GRID1: variants seen among roughly 807,000 people sequenced by gnomAD.
GRID1 encodes the protein glutamate ionotropic receptor delta type subunit 1, also known as glutamate receptor ionotropic, delta-1.
Under a neutral mutation model 98.0 loss-of-function variants are expected in GRID1, and 28 were observed. That is an observed-to-expected ratio of 0.29 (90% CI 0.21 to 0.39). The LOEUF (loss-of-function observed/expected upper bound fraction) is 0.39, where lower values mean the gene tolerates loss of function less well. GRID1 is among the 10% of genes least tolerant of loss of function. GRID1 has a pLI of 1.00. For missense variants in GRID1, 1,111 were observed against 1,340.5 expected (o/e 0.83, Z 2.67); for synonymous variants, 553 against 538.5 (o/e 1.03, Z -0.37).
chr10:86,306,660 G>GAA (rs1847762319), intron 2 of GRID1, among the ~76,000 whole-genome samples: 1 of 152,102 alleles, frequency 6.6e-6, no homozygotes, highest in Non-Finnish European at 1.5e-5. Context: ...AAGGAGGAAG[G>GAA]GAAAAAGAGA....
intron 2 of GRID1, among the ~76,000 whole-genome samples, chr10:86,297,155 A>C (rs1847605663): frequency 1.3e-5 from 2 of 152,336 alleles, no homozygotes; most frequent in Admixed American, 1.3e-4. Context: ...AGTTATTCTA[A>C]AATCATTTTG....
chr10:85,779,723 CTA>C (rs1048258800), intron 8 of GRID1, among the ~76,000 whole-genome samples: 23 of 152,280 alleles, frequency 1.5e-4, no homozygotes, highest in African/African-American at 5.5e-4. Flanking sequence ...CAGGCATGTT[CTA>C]TGAGTTTGCC....
intron 4 of GRID1, among the ~76,000 whole-genome samples, chr10:86,042,649 G>A (rs1322842736): frequency 2.6e-5 from 4 of 152,164 alleles, no homozygotes; most frequent in South Asian, 2.1e-4. Flanking sequence ...ACAGGAACTA[G>A]GGGACTTGCC....
chr10:85,680,475 C>T (rs1841196060), intron 12 of GRID1, among the ~76,000 whole-genome samples: 1 of 152,184 alleles, frequency 6.6e-6, no homozygotes, highest in Admixed American at 6.5e-5. Context: ...TAAAAAATAG[C>T]AGATGCTGGT....
At chr10:86,263,390 C>T (rs1847050496) in intron 2 of GRID1, among the ~76,000 whole-genome samples, 1 of 152,218 alleles carries the variant, frequency 6.6e-6, no homozygotes, top group African/African-American at 2.4e-5. Flanking sequence ...GGGAGGATCC[C>T]GCCTCTCCCA....
chr10:85,852,356 C>G (rs1000847195), intron 8 of GRID1, among the ~76,000 whole-genome samples: 2 of 152,262 alleles, frequency 1.3e-5, no homozygotes, highest in South Asian at 4.1e-4. Context: ...GTTTTTGAGG[C>G]GCATTGCCTT....
In GRID1 at chr10:85,913,162, C is replaced by G. The variant is rs547091445; in HGVS notation, c.780+3024G>C. Among the ~76,000 whole-genome samples, 9 of 152,292 alleles carry G rather than the reference C, an allele frequency of 5.9e-5. No homozygotes were observed. The South Asian group carries it at 1.7e-3, about 28-fold the overall frequency. On this transcript the variant is annotated intron_variant, in intron 5 of 15. Transcript: ENST00000327946. ...AAAGTCCCTGAGCTGGCACCAAAGGCCAGCCCAAGAGTATTCCCCATCAGT... is the reference window on the plus strand; with the variant it reads ...AAAGTCCCTGAGCTGGCACCAAAGGGCAGCCCAAGAGTATTCCCCATCAGT...
chr10:85,700,499 T>A (rs919319956), intron 12 of GRID1, among the ~76,000 whole-genome samples: 3 of 152,206 alleles, frequency 2.0e-5, no homozygotes, highest in Middle Eastern at 3.2e-3. Flanking sequence ...AACAAAGTAT[T>A]TCCTAAATGC....
At chr10:86,128,465 T>G (rs1185980334) in intron 4 of GRID1, among the ~76,000 whole-genome samples, 1 of 152,192 alleles carries the variant, frequency 6.6e-6, no homozygotes, top group East Asian at 1.9e-4. Context: ...TGACTCGAAC[T>G]GTGGACCACA....
At chr10:86,274,061 A>C (rs372321385) in intron 2 of GRID1, among the ~76,000 whole-genome samples, 9 of 152,076 alleles carry the variant, frequency 5.9e-5, no homozygotes, top group Admixed American at 1.3e-4. Flanking sequence ...ATGTTTAAGT[A>C]TTTAATCCAT....
chr10:85,669,392 G>A (rs1161029868), intron 12 of GRID1, among the ~76,000 whole-genome samples: 1 of 152,196 alleles, frequency 6.6e-6, no homozygotes, highest in Admixed American at 6.5e-5. Context: ...AATCTGAGAG[G>A]GCTCCAAGGG....
At chr10:85,966,814 A>AG (rs1842342527) in intron 4 of GRID1, among the ~76,000 whole-genome samples, 1 of 110,856 alleles carries the variant, frequency 9.0e-6, no homozygotes, top group Non-Finnish European at 2.3e-5. Flanking sequence ...ACTCCACCTC[A>AG]AAAAAAAAAA....
intron 8 of GRID1, among the ~76,000 whole-genome samples, chr10:85,755,380 G>T (rs1272530718): frequency 1.3e-5 from 2 of 152,170 alleles, no homozygotes; most frequent in Non-Finnish European, 2.9e-5. Flanking sequence ...TTCTCTCCAC[G>T]TGGTTTCCGT....
intron 12 of GRID1, among the ~76,000 whole-genome samples, chr10:85,656,731 T>C (rs1276080932): frequency 1.3e-5 from 2 of 152,218 alleles, no homozygotes; most frequent in African/African-American, 4.8e-5. Context: ...TTTCAGCATT[T>C]CCTATCTCTT....
intron 4 of GRID1, among the ~76,000 whole-genome samples, chr10:85,975,429 G>A (rs182297732): frequency 6.6e-6 from 1 of 152,274 alleles, no homozygotes; most frequent in East Asian, 1.9e-4. Flanking sequence ...GGCTCCTCCA[G>A]GCCATCCACA....
At chr10:85,690,808 G>A (rs1246311190) in intron 12 of GRID1, among the ~76,000 whole-genome samples, 1 of 152,042 alleles carries the variant, frequency 6.6e-6, no homozygotes, top group Non-Finnish European at 1.5e-5. Context: ...CAAAAAGTTA[G>A]ATATAAAACC....
chr10:85,939,893 C>T (rs191239752), intron 4 of GRID1, among the ~76,000 whole-genome samples: 2 of 151,890 alleles, frequency 1.3e-5, no homozygotes, highest in East Asian at 1.9e-4. Flanking sequence ...TGGTGAAATC[C>T]CATCTCTACT....
At chr10:85,848,631 T>C (rs1304498871) in intron 8 of GRID1, among the ~76,000 whole-genome samples, 1 of 152,160 alleles carries the variant, frequency 6.6e-6, no homozygotes, top group African/African-American at 2.4e-5. Flanking sequence ...AACAGAAACA[T>C]TAACAGTATT....
chr10:86,148,342 T>C (rs1202859717), intron 3 of GRID1, among the ~76,000 whole-genome samples: 2 of 152,196 alleles, frequency 1.3e-5, no homozygotes, highest in African/African-American at 4.8e-5. Flanking sequence ...CTGGAGCAGA[T>C]TATGCTAAGT....
Sources: allele counts gnomAD v4.1 joint callset (sites outside exome capture counted in the v4.1 genomes callset), GRCh38; gene constraint gnomAD v4.1.1; transcripts MANE v1.5; gene names NCBI Gene and HGNC (gene_info 2026-07-23, HGNC 2026-07-21).